SORCS3: variants seen among roughly 807,000 people sequenced by gnomAD.
The protein encoded by SORCS3 is sortilin related VPS10 domain containing receptor 3.
Under a neutral mutation model 146.3 loss-of-function variants are expected in SORCS3, and 57 were observed. That is an observed-to-expected ratio of 0.39 (90% CI 0.31 to 0.49). The LOEUF is 0.49. Among genes scored for constraint, SORCS3 ranks in the 20% least tolerant of loss-of-function variants. The probability of loss-of-function intolerance (pLI) is 0.92; values close to 1 mark genes in which losing one functional copy is unlikely to be tolerated. For synonymous variants in SORCS3, 653 were observed against 618.5 expected (o/e 1.06, Z -0.83); for missense variants, 1,341 against 1,575.5 (o/e 0.85, Z 2.52).
At chr10:104,732,861 A>G (rs2016723937) in intron 1 of SORCS3, among the ~76,000 whole-genome samples, 1 of 151,902 alleles carries the variant, frequency 6.6e-6, no homozygotes, top group African/African-American at 2.4e-5. Flanking sequence ...GGGTCAGCCT[A>G]GGGGTGGGGG....
intron 5 of SORCS3, among the ~76,000 whole-genome samples, chr10:105,056,628 C>A (rs1228949526): frequency 6.6e-6 from 1 of 152,192 alleles, no homozygotes; most frequent in African/African-American, 2.4e-5. Flanking sequence ...ATATGCCACT[C>A]TCTGTCAATA....
At chr10:104,846,186 G>A (rs1048365928) in intron 2 of SORCS3, among the ~76,000 whole-genome samples, 3 of 152,110 alleles carry the variant, frequency 2.0e-5, no homozygotes, top group African/African-American at 7.2e-5. Context: ...CTGAGGAAAG[G>A]GACTGCTCCT....
At chr10:105,109,699 T>C (rs995336834) in intron 7 of SORCS3, among the ~76,000 whole-genome samples, 2 of 152,066 alleles carry the variant, frequency 1.3e-5, no homozygotes, top group African/African-American at 4.8e-5. Context: ...AGGCATCTTG[T>C]TGTTGTTTTA....
At chr10:104,905,284 G>T (rs2018893875) in intron 2 of SORCS3, among the ~76,000 whole-genome samples, 1 of 152,162 alleles carries the variant, frequency 6.6e-6, no homozygotes, top group East Asian at 1.9e-4. Context: ...TAGTGTTAGA[G>T]GCTCAAAAAG....
chr10:105,153,206 T>G (rs539305696), intron 9 of SORCS3, among the ~76,000 whole-genome samples: 37 of 152,262 alleles, frequency 2.4e-4, no homozygotes, highest in Admixed American at 8.5e-4. Flanking sequence ...GTAAATGGAA[T>G]TATACAGTAG....
intron 4 of SORCS3, among the ~76,000 whole-genome samples, chr10:105,036,423 C>T (rs1208636884): frequency 6.6e-6 from 1 of 152,146 alleles, no homozygotes; most frequent in African/African-American, 2.4e-5. Context: ...CTTTGTATCA[C>T]CACACTTTGG....
chr10:104,825,541 G>A (rs1287528268), intron 1 of SORCS3, among the ~76,000 whole-genome samples: 3 of 152,148 alleles, frequency 2.0e-5, no homozygotes, highest in Admixed American at 6.5e-5. Context: ...GCTCACATCC[G>A]TTTCTGCCCT....
intron 5 of SORCS3, among the ~76,000 whole-genome samples, chr10:105,073,464 C>T (rs761264907): frequency 1.3e-5 from 2 of 152,200 alleles, no homozygotes; most frequent in African/African-American, 2.4e-5. Flanking sequence ...TGCAGCCCCA[C>T]CCAAGATGCC....
At chr10:105,096,020 C>A (rs1333623310) in intron 6 of SORCS3, among the ~76,000 whole-genome samples, 1 of 151,988 alleles carries the variant, frequency 6.6e-6, no homozygotes, top group Non-Finnish European at 1.5e-5. Flanking sequence ...CATTGGTTCA[C>A]AATCCACTCC....
chr10:104,803,213 C>T (rs1414759013), intron 1 of SORCS3, among the ~76,000 whole-genome samples: 2 of 152,194 alleles, frequency 1.3e-5, no homozygotes, highest in Non-Finnish European at 2.9e-5. Context: ...TCACTTCTAG[C>T]TACAAGGAAA....
chr10:105,154,067 C>T (rs59544372), intron 9 of SORCS3, among the ~76,000 whole-genome samples: 1 of 40,620 alleles, frequency 2.5e-5, no homozygotes, highest in Non-Finnish European at 6.5e-5. Flanking sequence ...GAGACTCCAT[C>T]TGAAAAAAAA....
chr10:104,976,312 G>A (rs1251544609), intron 3 of SORCS3, among the ~76,000 whole-genome samples: 1 of 152,168 alleles, frequency 6.6e-6, no homozygotes, highest in Non-Finnish European at 1.5e-5. Context: ...ATGAAAAAAT[G>A]CTCACCATCA....
intron 2 of SORCS3, among the ~76,000 whole-genome samples, chr10:104,866,555 C>A (rs2018460697): frequency 6.6e-6 from 1 of 152,172 alleles, no homozygotes; most frequent in African/African-American, 2.4e-5. Context: ...CAGTTATCAG[C>A]TGTAATTCAT....
At chr10:105,014,068 CAT>C (rs59328970) in intron 4 of SORCS3, among the ~76,000 whole-genome samples, 18 of 137,344 alleles carry the variant, frequency 1.3e-4, no homozygotes, top group Non-Finnish European at 1.5e-4. Flanking sequence ...TCTAAATATA[CAT>C]ATATATATAT....
At chr10:104,826,157 A>G (rs550909989) in intron 1 of SORCS3, among the ~76,000 whole-genome samples, 9 of 152,142 alleles carry the variant, frequency 5.9e-5, no homozygotes, top group Admixed American at 5.9e-4. Flanking sequence ...GGATAATGCT[A>G]TCTCCCTTTT....
chr10:104,934,322 A>G (rs1188424203), intron 3 of SORCS3, among the ~76,000 whole-genome samples: 1 of 152,250 alleles, frequency 6.6e-6, no homozygotes, highest in Non-Finnish European at 1.5e-5. Flanking sequence ...CAATAGGTCT[A>G]GGCATTAATG....
intron 14 of SORCS3, among the ~76,000 whole-genome samples, chr10:105,192,759 C>G (rs1000718880): frequency 2.6e-5 from 4 of 152,154 alleles, no homozygotes; most frequent in African/African-American, 9.7e-5. Flanking sequence ...GGAACAAATT[C>G]TGATTCTTTC....
intron 7 of SORCS3, among the ~76,000 whole-genome samples, chr10:105,111,845 C>T (rs371922003): frequency 6.6e-5 from 10 of 152,042 alleles, no homozygotes; most frequent in African/African-American, 1.4e-4. Context: ...GCTATGAGTA[C>T]GAATTAAGTA....
At chr10:104,722,028 A>G (rs974872756) in intron 1 of SORCS3, among the ~76,000 whole-genome samples, 10 of 152,052 alleles carry the variant, frequency 6.6e-5, no homozygotes, top group African/African-American at 2.4e-4. Flanking sequence ...AATAGGAGTG[A>G]TGAGAGGGGG....
Sources: allele counts gnomAD v4.1 joint callset (sites outside exome capture counted in the v4.1 genomes callset), GRCh38; gene constraint gnomAD v4.1.1; transcripts MANE v1.5; gene names NCBI Gene and HGNC (gene_info 2026-07-23, HGNC 2026-07-21).